EXOC4: variants seen among roughly 807,000 people sequenced by gnomAD.
The protein encoded by EXOC4 is SEC8-like 1.
Under a neutral mutation model 107.2 loss-of-function variants are expected in EXOC4, and 71 were observed. The observed-to-expected ratio is 0.66, with a 90% CI of 0.55 to 0.81. The LOEUF (loss-of-function observed/expected upper bound fraction) is 0.81, where lower values mean the gene tolerates loss of function less well. Among genes scored for constraint, EXOC4 ranks in the 30% least tolerant of loss-of-function variants. The probability of loss-of-function intolerance (pLI) is 0.00; values close to 1 mark genes in which losing one functional copy is unlikely to be tolerated. For missense variants in EXOC4, 1,108 were observed against 1,189.6 expected, an observed-to-expected ratio of 0.93 and a Z score of 1.01; for synonymous variants, 456 against 441.2, an observed-to-expected ratio of 1.03 and a Z score of -0.42.
intron 10 of EXOC4, among the ~76,000 whole-genome samples, chr7:133,689,912 T>G (rs1213665008): frequency 6.6e-6 from 1 of 152,196 alleles, no homozygotes; most frequent in African/African-American, 2.4e-5. Context: ...AGAATGAGTG[T>G]TTTGATGAGC....
At chr7:133,359,448 T>C (rs1187677250) in intron 6 of EXOC4, among the ~76,000 whole-genome samples, 28 of 152,202 alleles carry the variant, frequency 1.8e-4, no homozygotes, top group Admixed American at 1.8e-3. Context: ...TTATTTATTA[T>C]TGTTTACCAT....
chr7:133,328,326 C>T (rs532496541), intron 5 of EXOC4, among the ~76,000 whole-genome samples: 11 of 152,042 alleles, frequency 7.2e-5, no homozygotes, highest in East Asian at 1.9e-4. Context: ...TGTGTCTTTG[C>T]ACGTGAGATG....
chr7:133,742,190 T>A (rs1344158108), intron 10 of EXOC4, among the ~76,000 whole-genome samples: 1 of 152,192 alleles, frequency 6.6e-6, no homozygotes, highest in Non-Finnish European at 1.5e-5. Context: ...GGATTCCTTC[T>A]CCTGTCACTT....
intron 9 of EXOC4, among the ~76,000 whole-genome samples, chr7:133,616,301 T>C (rs774393605): frequency 6.6e-6 from 1 of 152,134 alleles, no homozygotes; most frequent in Non-Finnish European, 1.5e-5. Flanking sequence ...TACATCATAA[T>C]GTGAACTTCA....
At chr7:133,980,489 C>T (rs543654860) in intron 14 of EXOC4, among the ~76,000 whole-genome samples, 2 of 152,310 alleles carry the variant, frequency 1.3e-5, no homozygotes, top group South Asian at 4.1e-4. Flanking sequence ...ACGATTTCCC[C>T]AAGGTTATCC....
chr7:133,528,792 G>A lies in EXOC4; in HGVS notation c.1417+48654G>A, dbSNP rs111368452. Among the ~76,000 whole-genome samples the A allele has an allele frequency of 1.8e-3, 278 of 152,214 alleles. 1 individual carries two copies. Among genetic ancestry groups the A allele is most frequent in the African/African-American group, 6.2e-3 (259 of 41,534 alleles). ...AAGGAGAAGAGGTGAGAAAATGTAC[G>A]TAAGTTTGGAGAAGAAAGATCCTGA... On this transcript the variant is annotated intron_variant, in intron 9 of 17. Transcript: ENST00000253861.
chr7:133,970,938 A>G (rs994226674), intron 14 of EXOC4, among the ~76,000 whole-genome samples: 8 of 152,126 alleles, frequency 5.3e-5, no homozygotes, highest in Non-Finnish European at 1.0e-4. Flanking sequence ...TCAGCCCTGA[A>G]AAATGATTCC....
In EXOC4 at chr7:133,275,087, G is replaced by A. The variant is rs1793957918; in HGVS notation, c.192G>A (p.Gln64=). Residue 64 remains glutamine, a synonymous_variant, in exon 2 of 18, where the codon CAG becomes CAA. Transcript: ENST00000253861. ...CDRDLDELIV[Q]HYTELTTAIR... ...GTGACCTGGATGAATTGATTGTACA[G>A]CACTACACAGAATTGACGACAGCCA... 6.2e-7 allele frequency: 1 copy of A among 1,613,842 alleles called. No homozygotes were observed. The highest frequency in any genetic ancestry group is 8.5e-7 in the Non-Finnish European group (1 of 1,179,800).
intron 7 of EXOC4, among the ~76,000 whole-genome samples, chr7:133,393,331 T>G (rs1045633492): frequency 1.8e-4 from 28 of 152,236 alleles, no homozygotes; most frequent in African/African-American, 6.3e-4. Context: ...CAACTAGTCT[T>G]TAAGCCTTTG....
rs181919481 is a variant in EXOC4, at chr7:133,695,501, A to C, written c.1514+65360A>C. On this transcript the variant is annotated intron_variant, in intron 10 of 17. Coordinates refer to ENST00000253861, the MANE Select transcript of EXOC4 (RefSeq NM_021807.4). ...TGTCTAGCATTTTTTTTAATAAGAA[A>C]GTAGACTTTGTGGATAGCAGGTTTC... Among the ~76,000 whole-genome samples the C allele has an allele frequency of 1.7e-4, 26 of 152,234 alleles. No homozygotes were observed. In the East Asian group the frequency reaches 4.2e-3, roughly 25 times the overall value.
intron 10 of EXOC4, among the ~76,000 whole-genome samples, chr7:133,776,448 C>T (rs766658151): frequency 4.3e-4 from 65 of 152,048 alleles, no homozygotes; most frequent in Non-Finnish European, 6.0e-4. Flanking sequence ...GCACGTGTTG[C>T]CCCAAGCCCA....
chr7:134,031,779 C>T (rs1425253897), intron 17 of EXOC4, among the ~76,000 whole-genome samples: 1 of 152,104 alleles, frequency 6.6e-6, no homozygotes, highest in Admixed American at 6.5e-5. Context: ...CATTATAAAC[C>T]CATGAAGTTA....
At chr7:133,813,543 T>C (rs1269239790) in intron 10 of EXOC4, among the ~76,000 whole-genome samples, 4 of 152,194 alleles carry the variant, frequency 2.6e-5, no homozygotes, top group African/African-American at 9.6e-5. Flanking sequence ...GGGTAGAGTA[T>C]CTTTTTGGGA....
intron 7 of EXOC4, among the ~76,000 whole-genome samples, chr7:133,470,922 G>A (rs2150841372): frequency 6.6e-6 from 1 of 152,280 alleles, no homozygotes; most frequent in South Asian, 2.1e-4. Context: ...ACCCATAGGT[G>A]TGTGCTTAGA....
intron 11 of EXOC4, among the ~76,000 whole-genome samples, chr7:133,823,197 A>C (rs1009046983): frequency 2.6e-5 from 4 of 152,220 alleles, no homozygotes; most frequent in African/African-American, 9.6e-5. Context: ...TATTTGTCAG[A>C]GTAACTTTTG....
At chr7:133,659,279 A>T (rs1414797262) in intron 10 of EXOC4, among the ~76,000 whole-genome samples, 1 of 152,026 alleles carries the variant, frequency 6.6e-6, no homozygotes, top group African/African-American at 2.4e-5. Context: ...CAGCTATTTC[A>T]TAGAGTTGCT....
chr7:133,473,458 G>A (rs1041256862), intron 7 of EXOC4, among the ~76,000 whole-genome samples: 6 of 152,120 alleles, frequency 3.9e-5, no homozygotes, highest in African/African-American at 1.4e-4. Flanking sequence ...GGGTGCTCTG[G>A]TGTCAGGTGC....
chr7:133,257,939 A>T (rs1795055256), intron 1 of EXOC4, among the ~76,000 whole-genome samples: 2 of 152,148 alleles, frequency 1.3e-5, no homozygotes, highest in African/African-American at 4.8e-5. Flanking sequence ...AACAGCTTTG[A>T]GGTTCGTGAC....
chr7:133,702,822 G>A (rs1183103388), intron 10 of EXOC4, among the ~76,000 whole-genome samples: 3 of 152,158 alleles, frequency 2.0e-5, no homozygotes, highest in African/African-American at 4.8e-5. Context: ...TGTTATGAAT[G>A]TGCACTGCTC....
Sources: allele counts gnomAD v4.1 joint callset (sites outside exome capture counted in the v4.1 genomes callset), GRCh38; gene constraint gnomAD v4.1.1; transcripts MANE v1.5; gene names NCBI Gene and HGNC (gene_info 2026-07-23, HGNC 2026-07-21).